The following XPR1 variants were observed in gnomAD, a reference collection of about 807,000 sequenced individuals.
XPR1 encodes solute carrier family 53 member 1.
Under a neutral mutation model 87.5 loss-of-function variants are expected in XPR1, and 28 were observed. That is an observed-to-expected ratio of 0.32 (90% confidence interval 0.24 to 0.44). The LOEUF (loss-of-function observed/expected upper bound fraction) is 0.44, where lower values mean the gene tolerates loss of function less well. XPR1 is among the 20% of genes least tolerant of loss of function. XPR1 has a pLI of 1.00. For missense variants in XPR1, 559 were observed against 862.3 expected (o/e 0.65, Z 4.41); for synonymous variants, 300 against 306.1 (o/e 0.98, Z 0.21).
intron 3 of XPR1, among the ~76,000 whole-genome samples, chr1:180,792,369 G>T (rs1171053420): frequency 6.6e-6 from 1 of 152,118 alleles, no homozygotes; most frequent in Non-Finnish European, 1.5e-5. Context: ...TCAAAATATA[G>T]CATGAATGCT....
chr1:180,833,799 A>T (rs1394588754), intron 9 of XPR1, among the ~76,000 whole-genome samples: 1 of 152,252 alleles, frequency 6.6e-6, no homozygotes, highest in African/African-American at 2.4e-5. Flanking sequence ...AAAACAGTAC[A>T]GTCTTTAATC....
intron 2 of XPR1, among the ~76,000 whole-genome samples, chr1:180,783,499 G>A (rs1256468262): frequency 6.6e-6 from 1 of 151,914 alleles, no homozygotes; most frequent in Non-Finnish European, 1.5e-5. Flanking sequence ...TTTCAAAGGA[G>A]GTAACCACAA....
chr1:180,689,778 T>C lies in XPR1; in HGVS notation c.121+7367T>C, dbSNP rs73051243. 6.2e-3 allele frequency among the ~76,000 whole-genome samples: 947 copies of C among 152,306 alleles called. 20 individuals carry two copies. Among genetic ancestry groups the C allele is most frequent in the African/African-American group, 0.021 (869 of 41,558 alleles). ...CCATATTTATGTAAGACGTTAATGA[T>C]AGGGGCAGCTGGGTTTAGAGGATAT... On this transcript the variant is annotated intron_variant, in intron 2 of 14. Transcript: ENST00000367590.
chr1:180,715,675 ATCTT>A (rs956996149), intron 2 of XPR1, among the ~76,000 whole-genome samples: 8 of 149,930 alleles, frequency 5.3e-5, no homozygotes, highest in African/African-American at 2.0e-4. Flanking sequence ...TTTTTTCTTT[ATCTT>A]TCTTTCTTTT....
At chr1:180,698,543 T>G (rs1657245319) in intron 2 of XPR1, among the ~76,000 whole-genome samples, 1 of 152,212 alleles carries the variant, frequency 6.6e-6, no homozygotes. Flanking sequence ...GGTGGTTTTC[T>G]GTAGTGACAA....
At chr1:180,748,969 C>A (rs976845414) in intron 2 of XPR1, among the ~76,000 whole-genome samples, 1 of 152,232 alleles carries the variant, frequency 6.6e-6, no homozygotes, top group South Asian at 2.1e-4. Context: ...GAGTCCAAGG[C>A]AGGAGAATCA....
intron 2 of XPR1, among the ~76,000 whole-genome samples, chr1:180,696,208 G>GTATATATATA (rs71121045): frequency 1.2e-3 from 102 of 88,560 alleles, no homozygotes; most frequent in African/African-American, 2.7e-3. Context: ...GTGTGTGTGT[G>GTATATATATA]TATATATATA....
intron 1 of XPR1, among the ~76,000 whole-genome samples, chr1:180,655,162 C>T (rs1233209051): frequency 6.6e-6 from 1 of 152,070 alleles, no homozygotes; most frequent in Non-Finnish European, 1.5e-5. Context: ...ATATGCACTT[C>T]CCTAATGATT....
chr1:180,705,736 A>G (rs759489200), intron 2 of XPR1, among the ~76,000 whole-genome samples: 7 of 152,254 alleles, frequency 4.6e-5, no homozygotes, highest in East Asian at 1.9e-4. Context: ...AAGGAAAACT[A>G]TGATATGATT....
chr1:180,643,305 A>T (rs1655014206), intron 1 of XPR1, among the ~76,000 whole-genome samples: 1 of 152,220 alleles, frequency 6.6e-6, no homozygotes, highest in Non-Finnish European at 1.5e-5. Flanking sequence ...ACATTTTAAC[A>T]TCTGAAATCA....
At chr1:180,687,357 T>C (rs917608074) in intron 2 of XPR1, among the ~76,000 whole-genome samples, 5 of 152,188 alleles carry the variant, frequency 3.3e-5, no homozygotes, top group African/African-American at 9.6e-5. Context: ...GTTAAGAGCC[T>C]TTTCTTTCAT....
At chr1:180,824,274 T>A (rs73034725) in intron 7 of XPR1, among the ~76,000 whole-genome samples, 6,554 of 152,238 alleles carry the variant, frequency 0.043, 503 homozygotes, top group African/African-American at 0.15. Context: ...AGGCGACTTT[T>A]TAAGGCTCTT....
intron 3 of XPR1, among the ~76,000 whole-genome samples, chr1:180,790,214 C>G (rs1649321695): frequency 6.6e-6 from 1 of 152,114 alleles, no homozygotes; most frequent in African/African-American, 2.4e-5. Context: ...CCTCTTTATT[C>G]CACGGGAGAT....
intron 12 of XPR1, among the ~76,000 whole-genome samples, chr1:180,864,492 G>C (rs1315033252): frequency 1.3e-5 from 2 of 152,038 alleles, no homozygotes; most frequent in African/African-American, 4.8e-5. Context: ...ATAAATACTT[G>C]ACTAAATGAA....
At chr1:180,830,885 G>A (rs927454818) in intron 9 of XPR1, among the ~76,000 whole-genome samples, 2 of 152,206 alleles carry the variant, frequency 1.3e-5, no homozygotes, top group South Asian at 4.1e-4. Flanking sequence ...GTTAGGAAGA[G>A]TCTGTGTCGG....
intron 1 of XPR1, among the ~76,000 whole-genome samples, chr1:180,675,670 G>A (rs1197079387): frequency 6.6e-6 from 1 of 152,068 alleles, no homozygotes; most frequent in African/African-American, 2.4e-5. Context: ...ATACAAATTC[G>A]GAGTTTTATA....
chr1:180,846,761 T>C (rs929237722), intron 11 of XPR1, among the ~76,000 whole-genome samples: 1 of 152,036 alleles, frequency 6.6e-6, no homozygotes, highest in Non-Finnish European at 1.5e-5. Flanking sequence ...CTTAATTTCA[T>C]TGATACTTTG....
At chr1:180,644,737 C>T (rs1655057623) in intron 1 of XPR1, among the ~76,000 whole-genome samples, 1 of 152,052 alleles carries the variant, frequency 6.6e-6, no homozygotes, top group Non-Finnish European at 1.5e-5. Flanking sequence ...AGTTTTTCCA[C>T]ATACCAGGGG....
intron 11 of XPR1, among the ~76,000 whole-genome samples, chr1:180,856,343 TCAAA>T (rs1652032134): frequency 1.3e-5 from 2 of 152,042 alleles, no homozygotes; most frequent in Admixed American, 1.3e-4. Flanking sequence ...CCAAGTGTAG[TCAAA>T]CACAGTGTGA....
Sources: allele counts gnomAD v4.1 joint callset (sites outside exome capture counted in the v4.1 genomes callset), GRCh38; gene constraint gnomAD v4.1.1; transcripts MANE v1.5; gene names NCBI Gene and HGNC (gene_info 2026-07-23, HGNC 2026-07-21).